ANK2: variants seen among roughly 807,000 people sequenced by gnomAD.
The protein encoded by ANK2 is ankyrin 2.
ANK2 carries 83 observed loss-of-function variants against 360.5 expected under a neutral mutation model. The observed-to-expected ratio is 0.23, with a 90% CI of 0.19 to 0.28. The LOEUF is 0.28. Ranked by LOEUF, ANK2 falls within the 10% of genes least tolerant of loss-of-function variation. ANK2 has a pLI of 1.00. For synonymous variants in ANK2, 1,740 were observed against 1,759.5 expected, an observed-to-expected ratio of 0.99 and a Z score of 0.28; for missense variants, 4,201 against 4,795.7, an observed-to-expected ratio of 0.88 and a Z score of 3.66.
At chr4:112,810,857 C>T in the ANK2 span, among the ~76,000 whole-genome samples, 1 of 151,776 alleles carries the variant, frequency 6.6e-6, no homozygotes, top group Non-Finnish European at 1.5e-5. Context: ...AGCCCCTTCC[C>T]GCTTTTTTGT....
chr4:112,906,737 G>A (rs2085355625), intron 2 of ANK2, among the ~76,000 whole-genome samples: 1 of 152,122 alleles, frequency 6.6e-6, no homozygotes, highest in Non-Finnish European at 1.5e-5. Flanking sequence ...GGCCAGAGTA[G>A]TTAATGAGGA....
In ANK2 at chr4:112,946,943, C is replaced by T. The variant is rs186531721; in HGVS notation, c.21+42429C>T. Among the ~76,000 whole-genome samples, 618 of 152,296 alleles carry T rather than the reference C, an allele frequency of 4.1e-3. 4 individuals are homozygous for T. The highest frequency in any genetic ancestry group is 0.013 in the African/African-American group (547 of 41,556). On this transcript the variant is annotated intron_variant, in intron 2 of 30. Coordinates refer to the ANK2 transcript ENST00000503271. ...ATTATTCTTTTAAGTTGAAGAATAACAGCTTTTCTTAAGATCCCTACTCAA... is the reference window on the plus strand; with the variant it reads ...ATTATTCTTTTAAGTTGAAGAATAATAGCTTTTCTTAAGATCCCTACTCAA...
chr4:113,241,979 C>T, intron 8 of ANK2, 132 bp from the exon 9 acceptor site: 1 of 738,260 alleles, frequency 1.4e-6, no homozygotes, highest in Non-Finnish European at 2.5e-6. Context: ...AAATCAAAGA[C>T]ATAGAAAGAG....
intron 1 of ANK2, among the ~76,000 whole-genome samples, chr4:112,863,269 G>A (rs2068754828): frequency 6.6e-6 from 1 of 152,044 alleles, no homozygotes; most frequent in African/African-American, 2.4e-5. Flanking sequence ...TAGAGAAAAA[G>A]ACTAGGAGAA....
the ANK2 span, among the ~76,000 whole-genome samples, chr4:112,757,112 CTT>C: frequency 9.6e-5 from 13 of 135,318 alleles, no homozygotes; most frequent in Non-Finnish European, 9.6e-5. Flanking sequence ...CTTTTCTTTT[CTT>C]TTTTTTTTTT....
intron 2 of ANK2, among the ~76,000 whole-genome samples, chr4:112,965,127 TAA>T (rs747235740): frequency 8.5e-5 from 13 of 152,184 alleles, no homozygotes; most frequent in Non-Finnish European, 1.5e-4. Context: ...AATAGTATAT[TAA>T]GATTCCCTTT....
In ANK2 at chr4:113,163,764, C is replaced by CAAAAAAAAAAAAAAAAAA. The variant is rs1158530849; in HGVS notation, c.85-10641_85-10624dup. On this transcript the variant is annotated intron_variant, in intron 1 of 45. Transcript: ENST00000357077. ...GGGCAACAAGAGTGAAACTTCGTCT[C>CAAAAAAAAAAAAAAAAAA]AAAAAAAAAAAAAAAAAAAAAAAAA... Among the ~76,000 whole-genome samples the CAAAAAAAAAAAAAAAAAA allele has an allele frequency of 1.4e-3, 76 of 55,034 alleles. 3 individuals carry two copies. The highest frequency in any genetic ancestry group is 2.9e-3 in the African/African-American group (51 of 17,738). 36.1% of individuals were successfully genotyped at this position (55,034 alleles called of 152,430 possible).
intron 14 of ANK2, among the ~76,000 whole-genome samples, chr4:113,269,456 T>C (rs1043804079): frequency 6.6e-6 from 1 of 152,170 alleles, no homozygotes; most frequent in Non-Finnish European, 1.5e-5. Flanking sequence ...CCATGGGAAA[T>C]GCGTAGTATC....
At chr4:112,830,157 C>G (rs2059407371) in intron 1 of ANK2, among the ~76,000 whole-genome samples, 1 of 151,984 alleles carries the variant, frequency 6.6e-6, no homozygotes, top group Non-Finnish European at 1.5e-5. Context: ...GAGTGTATAA[C>G]AAAAGAAACA....
intron 23 of ANK2, 94 bp downstream of exon 23, chr4:113,302,933 T>C: frequency 9.3e-7 from 1 of 1,077,366 alleles, no homozygotes; most frequent in Non-Finnish European, 1.4e-6. Flanking sequence ...GTTATGTGGA[T>C]GACAGAATCT....
intron 1 of ANK2, among the ~76,000 whole-genome samples, chr4:113,070,644 C>T (rs1367866020): frequency 6.6e-6 from 1 of 151,994 alleles, no homozygotes; most frequent in Non-Finnish European, 1.5e-5. Flanking sequence ...ACCAACCAAT[C>T]CAACACTCTT....
At chr4:113,251,039 TC>T (rs1309522552) in intron 10 of ANK2, among the ~76,000 whole-genome samples, 40 of 152,290 alleles carry the variant, frequency 2.6e-4, no homozygotes, top group African/African-American at 9.6e-4. Context: ...GTTGTATAGA[TC>T]TGTCTTTAAA....
chr4:112,738,164 C>T, the ANK2 span, among the ~76,000 whole-genome samples: 143 of 152,244 alleles, frequency 9.4e-4, no homozygotes, highest in African/African-American at 2.8e-3. Flanking sequence ...AATCCCAGCA[C>T]TTTGGGAGGC....
chr4:112,991,619 CTTT>C (rs35505334), intron 2 of ANK2, among the ~76,000 whole-genome samples: 5 of 125,844 alleles, frequency 4.0e-5, no homozygotes, highest in Admixed American at 8.7e-5. Flanking sequence ...TTCTTTCTTT[CTTT>C]TTTTTTTTTT....
intron 13 of ANK2, among the ~76,000 whole-genome samples, chr4:113,261,303 T>C (rs1403963143): frequency 6.6e-6 from 1 of 152,292 alleles, no homozygotes; most frequent in Non-Finnish European, 1.5e-5. Context: ...TCAATAACCA[T>C]AGGAATAGAA....
intron 2 of ANK2, among the ~76,000 whole-genome samples, chr4:113,038,039 A>G (rs2061986968): frequency 6.6e-6 from 1 of 152,032 alleles, no homozygotes; most frequent in African/African-American, 2.4e-5. Context: ...ATTAGTTCAA[A>G]TTAGTTCTAA....
the ANK2 span, among the ~76,000 whole-genome samples, chr4:112,714,295 G>A: frequency 2.6e-5 from 4 of 152,252 alleles, no homozygotes; most frequent in African/African-American, 4.8e-5. Context: ...CAATCCTTCT[G>A]CCTCAGCCTC....
the ANK2 span, among the ~76,000 whole-genome samples, chr4:112,759,126 C>T: frequency 2.1e-3 from 316 of 152,070 alleles, 1 homozygote; most frequent in Non-Finnish European, 3.8e-3. Context: ...ACTATCAGAG[C>T]AGTCTTTACA....
chr4:113,231,201 G>A (rs1302666310), intron 4 of ANK2, among the ~76,000 whole-genome samples: 1 of 151,920 alleles, frequency 6.6e-6, no homozygotes, highest in East Asian at 1.9e-4. Flanking sequence ...ACAGGCATGT[G>A]CCACCACGCC....
Sources: allele counts gnomAD v4.1 joint callset (sites outside exome capture counted in the v4.1 genomes callset), GRCh38; gene constraint gnomAD v4.1.1; transcripts MANE v1.5; gene names NCBI Gene and HGNC (gene_info 2026-07-23, HGNC 2026-07-21).